The following LRRTM4 variants were observed in gnomAD, a reference collection of about 807,000 sequenced individuals.
LRRTM4 encodes leucine rich repeat transmembrane neuronal 4.
Under a neutral mutation model 47.6 loss-of-function variants are expected in LRRTM4, and 25 were observed. The observed-to-expected ratio is 0.53, with a 90% CI of 0.38 to 0.73. The LOEUF is 0.73. LRRTM4 is among the 30% of genes least tolerant of loss of function. The pLI, the probability that LRRTM4 is intolerant of heterozygous loss-of-function variation, is 0.00. For missense variants in LRRTM4, 638 were observed against 713.4 expected, an observed-to-expected ratio of 0.89 and a Z score of 1.20; for synonymous variants, 311 against 269.5, an observed-to-expected ratio of 1.15 and a Z score of -1.51.
chr2:77,493,971 T>C (rs1678264683), intron 3 of LRRTM4, among the ~76,000 whole-genome samples: 1 of 152,122 alleles, frequency 6.6e-6, no homozygotes, highest in Admixed American at 6.6e-5. Context: ...TACCATGAAA[T>C]TGAAATAGAA....
At chr2:77,090,885 G>A (rs60828459) in intron 3 of LRRTM4, among the ~76,000 whole-genome samples, 36,756 of 151,470 alleles carry the variant, frequency 0.24, 7,691 homozygotes, top group African/African-American at 0.54. Flanking sequence ...AGACCATCAC[G>A]GACGCCGAGC....
Position 76,748,676 on chromosome 2 carries a change from T to C in LRRTM4, c.*19A>G. On this transcript the variant is annotated 3_prime_UTR_variant, in exon 4 of 4. Coordinates refer to ENST00000409884, the MANE Select transcript of LRRTM4 (RefSeq NM_001134745.3). ...CCCTCCCCCCCATGGAGCTCCCCAG[T>C]GAGGAGTTGGCTTCAGCGTTAGTTT... is the stretch of plus-strand genomic sequence containing the variant. The C allele has an allele frequency of 1.4e-6, 2 of 1,476,748 alleles. No individual in the cohort carries two copies. The highest frequency in any genetic ancestry group is 1.4e-5 in the African/African-American group (1 of 72,064). 91.5% of individuals were successfully genotyped at this position (1,476,748 alleles called of 1,614,324 possible).
At chr2:77,284,829 C>T (rs1291534251) in intron 3 of LRRTM4, among the ~76,000 whole-genome samples, 1 of 151,928 alleles carries the variant, frequency 6.6e-6, no homozygotes, top group African/African-American at 2.4e-5. Flanking sequence ...ATAATCTCAA[C>T]AACAGTCCTT....
chr2:77,231,913 T>A (rs1674976791), intron 3 of LRRTM4, among the ~76,000 whole-genome samples: 1 of 152,258 alleles, frequency 6.6e-6, no homozygotes, highest in African/African-American at 2.4e-5. Flanking sequence ...TATTCTTTTA[T>A]ATTTTCTAAG....
chr2:76,834,019 A>ATTTAT (rs1553416831), intron 3 of LRRTM4, among the ~76,000 whole-genome samples: 17 of 140,538 alleles, frequency 1.2e-4, no homozygotes, highest in African/African-American at 2.1e-4. Flanking sequence ...TCATTTATTT[A>ATTTAT]TTATTTATTT....
intron 3 of LRRTM4, among the ~76,000 whole-genome samples, chr2:76,796,038 C>G (rs1463016120): frequency 8.4e-6 from 1 of 118,410 alleles, no homozygotes; most frequent in African/African-American, 4.2e-5. Context: ...CTTTCTGAGT[C>G]AAAGAAAGGG....
At chr2:76,787,605 G>A (rs866561764) in intron 3 of LRRTM4, among the ~76,000 whole-genome samples, 1 of 151,660 alleles carries the variant, frequency 6.6e-6, no homozygotes, top group African/African-American at 2.4e-5. Flanking sequence ...TGGTTAAATT[G>A]AAAAAATATT....
At chr2:77,373,502 T>C (rs919538875) in intron 3 of LRRTM4, among the ~76,000 whole-genome samples, 10 of 151,742 alleles carry the variant, frequency 6.6e-5, no homozygotes, top group African/African-American at 1.9e-4. Context: ...CTTCATTTTT[T>C]TACCTTTTTA....
At chr2:77,002,550 T>C (rs1239358343) in intron 3 of LRRTM4, among the ~76,000 whole-genome samples, 1 of 152,154 alleles carries the variant, frequency 6.6e-6, no homozygotes, top group Non-Finnish European at 1.5e-5. Context: ...ATGTCCTTAT[T>C]AGCCTCAAAC....
At chr2:76,768,249 T>C (rs1330389688) in intron 3 of LRRTM4, among the ~76,000 whole-genome samples, 1 of 152,208 alleles carries the variant, frequency 6.6e-6, no homozygotes, top group African/African-American at 2.4e-5. Flanking sequence ...AGTATATTGG[T>C]TTCTTTACAT....
At chr2:76,862,916 T>C (rs549188274) in intron 3 of LRRTM4, among the ~76,000 whole-genome samples, 2 of 152,304 alleles carry the variant, frequency 1.3e-5, no homozygotes, top group South Asian at 2.1e-4. Context: ...TAGCAACATA[T>C]GTATATTGTC....
intron 3 of LRRTM4, among the ~76,000 whole-genome samples, chr2:76,931,647 G>A (rs1393809218): frequency 6.6e-6 from 1 of 152,108 alleles, no homozygotes; most frequent in Non-Finnish European, 1.5e-5. Context: ...GGATACACAT[G>A]TTCTCTATGG....
At chr2:77,131,062 C>T (rs1671789991) in intron 3 of LRRTM4, among the ~76,000 whole-genome samples, 1 of 150,498 alleles carries the variant, frequency 6.6e-6, no homozygotes, top group African/African-American at 2.4e-5. Context: ...TCTCGATATC[C>T]TGACCTCGTG....
At chr2:77,050,327 T>C (rs866607899) in intron 3 of LRRTM4, among the ~76,000 whole-genome samples, 3 of 152,128 alleles carry the variant, frequency 2.0e-5, no homozygotes, top group East Asian at 1.9e-4. Context: ...GGCCCCAACA[T>C]TGCCAATTCT....
At chr2:77,005,279 GGATTATAC>G (rs1677597772) in intron 3 of LRRTM4, among the ~76,000 whole-genome samples, 1 of 152,024 alleles carries the variant, frequency 6.6e-6, no homozygotes, top group Non-Finnish European at 1.5e-5. Flanking sequence ...TGAGTAGCTG[GGATTATAC>G]ATGCCTGCCA....
At chr2:77,319,318 C>T (rs539604739) in intron 3 of LRRTM4, among the ~76,000 whole-genome samples, 3 of 151,626 alleles carry the variant, frequency 2.0e-5, no homozygotes, top group South Asian at 2.1e-4. Context: ...ACCCTGGAGG[C>T]GGAGGTTGCA....
intron 3 of LRRTM4, among the ~76,000 whole-genome samples, chr2:77,440,484 C>T (rs1300299107): frequency 6.6e-6 from 1 of 152,022 alleles, no homozygotes; most frequent in African/African-American, 2.4e-5. Context: ...AACAAAAACC[C>T]GAAATACATT....
chr2:76,927,287 A>G (rs1674618904), intron 3 of LRRTM4, among the ~76,000 whole-genome samples: 1 of 152,126 alleles, frequency 6.6e-6, no homozygotes, highest in Non-Finnish European at 1.5e-5. Context: ...GATTGAGATG[A>G]AAACTTCTCC....
intron 3 of LRRTM4, among the ~76,000 whole-genome samples, chr2:77,249,235 A>G (rs989226235): frequency 6.6e-6 from 1 of 152,006 alleles, no homozygotes; most frequent in African/African-American, 2.4e-5. Context: ...CTGTAATCCC[A>G]GCTACTCAGG....
Sources: gnomAD v4.1 joint callset for allele counts (sites outside exome capture counted in the v4.1 genomes callset) on GRCh38, gnomAD v4.1.1 for gene constraint, MANE v1.5 for transcripts, NCBI Gene and HGNC (gene_info 2026-07-23, HGNC 2026-07-21) for gene names.